The following CSMD1 variants were observed in gnomAD, a reference collection of about 807,000 sequenced individuals.
The protein encoded by CSMD1 is CUB and sushi domain-containing protein 1.
A neutral mutation model predicts 417.5 loss-of-function variants in CSMD1; 213 were observed. The ratio of observed to expected loss-of-function variants is 0.51; its 90% CI spans 0.46 to 0.57. The LOEUF is 0.57. CSMD1 is among the 20% of genes least tolerant of loss of function. The pLI is 0.00. For missense variants in CSMD1, 6,923 were observed against 4,529.7 expected, an observed-to-expected ratio of 1.53 and a Z score of -15.17; for synonymous variants, 2,862 against 1,736.8, an observed-to-expected ratio of 1.65 and a Z score of -16.11.
At chr8:4,459,001 C>G (rs1435132860) in intron 2 of CSMD1, among the ~76,000 whole-genome samples, 1 of 152,180 alleles carries the variant, frequency 6.6e-6, no homozygotes, top group Non-Finnish European at 1.5e-5. Flanking sequence ...CACGTTTGTG[C>G]AGCTTGGGCC....
chr8:4,157,377 A>C (rs754567763), intron 3 of CSMD1, among the ~76,000 whole-genome samples: 4 of 152,234 alleles, frequency 2.6e-5, no homozygotes, highest in Non-Finnish European at 4.4e-5. Context: ...ATGTTTATTC[A>C]CGCCAGCTCA....
chr8:4,070,219 T>C (rs1392798229), intron 3 of CSMD1, among the ~76,000 whole-genome samples: 2 of 152,206 alleles, frequency 1.3e-5, no homozygotes, highest in Admixed American at 1.3e-4. Flanking sequence ...TCTTGTCTTT[T>C]CTTTTTGGTA....
At chr8:4,196,975 G>A (rs181696696) in intron 3 of CSMD1, among the ~76,000 whole-genome samples, 66 of 152,150 alleles carry the variant, frequency 4.3e-4, no homozygotes, top group African/African-American at 1.2e-3. Flanking sequence ...GAGCCTCACC[G>A]CCCCTCACAA....
At chr8:3,982,708 C>A (rs1344032034) in intron 5 of CSMD1, among the ~76,000 whole-genome samples, 3 of 151,888 alleles carry the variant, frequency 2.0e-5, no homozygotes, top group Non-Finnish European at 4.4e-5. Context: ...GATCAGGAGG[C>A]AGAGGGAAGC....
chr8:3,149,981 C>T (rs956746906), intron 40 of CSMD1, among the ~76,000 whole-genome samples: 1 of 152,148 alleles, frequency 6.6e-6, no homozygotes, highest in East Asian at 1.9e-4. Context: ...GTTACACATA[C>T]CTCTGAAAGA....
At chr8:3,831,362 A>T (rs1802368158) in intron 5 of CSMD1, among the ~76,000 whole-genome samples, 1 of 152,174 alleles carries the variant, frequency 6.6e-6, no homozygotes, top group African/African-American at 2.4e-5. Flanking sequence ...CAGCACTTGC[A>T]AACTCGTCTT....
chr8:3,484,800 G>C (rs548779315), intron 11 of CSMD1, among the ~76,000 whole-genome samples: 3 of 152,216 alleles, frequency 2.0e-5, no homozygotes, highest in African/African-American at 4.8e-5. Context: ...GAGGATGTCA[G>C]ATAGTAAATA....
chr8:3,271,905 C>A (rs1585876839), intron 26 of CSMD1, among the ~76,000 whole-genome samples: 1 of 152,056 alleles, frequency 6.6e-6, no homozygotes, highest in African/African-American at 2.4e-5. Flanking sequence ...ATGGTAGTTT[C>A]TTTTGCTGTG....
intron 1 of CSMD1, among the ~76,000 whole-genome samples, chr8:4,705,324 T>C (rs1419814155): frequency 6.6e-6 from 1 of 152,182 alleles, no homozygotes; most frequent in Non-Finnish European, 1.5e-5. Context: ...TTCTATGTTC[T>C]AGAGACTCCA....
intron 3 of CSMD1, among the ~76,000 whole-genome samples, chr8:4,292,632 G>A (rs73500689): frequency 0.081 from 12,390 of 152,106 alleles, 592 homozygotes; most frequent in South Asian, 0.16. Context: ...TATTTTCTGT[G>A]CCTCAGTCTT....
At chr8:3,796,479 T>C (rs1305664599) in intron 5 of CSMD1, among the ~76,000 whole-genome samples, 1 of 133,244 alleles carries the variant, frequency 7.5e-6, no homozygotes, top group East Asian at 2.1e-4. Flanking sequence ...TATATAGATA[T>C]CTATCTATCA....
In CSMD1 at chr8:4,323,080, G is replaced by A. The variant is rs549958719; in HGVS notation, c.415+96873C>T. ...GCCTACAAATAGAGAGTTAAGCAGC[G>A]AAGGAATGGAAAAATCATATGATTT... On this transcript the variant is annotated intron_variant, in intron 3 of 69. Coordinates refer to ENST00000635120, the MANE Select transcript of CSMD1 (RefSeq NM_033225.6). 5.1e-4 allele frequency among the ~76,000 whole-genome samples: 75 copies of A among 145,654 alleles called. 1 individual carries two copies. The South Asian group carries it at 0.011, about 21-fold the overall frequency.
At chr8:3,928,288 G>C (rs1366685186) in intron 5 of CSMD1, among the ~76,000 whole-genome samples, 2 of 152,146 alleles carry the variant, frequency 1.3e-5, no homozygotes, top group Non-Finnish European at 2.9e-5. Flanking sequence ...ATGTTACATT[G>C]ATTATTCAAC....
chr8:3,722,285 G>A (rs556062546), intron 6 of CSMD1, among the ~76,000 whole-genome samples: 29 of 152,258 alleles, frequency 1.9e-4, no homozygotes, highest in African/African-American at 5.1e-4. Flanking sequence ...TCCAGCCTGG[G>A]CGACAGAGTG....
At chr8:4,928,178 C>T (rs143639096) in intron 1 of CSMD1, among the ~76,000 whole-genome samples, 171 of 152,274 alleles carry the variant, frequency 1.1e-3, no homozygotes, top group African/African-American at 3.9e-3. Context: ...TTGCCATTGG[C>T]ACTGCCTGGA....
intron 68 of CSMD1, among the ~76,000 whole-genome samples, chr8:2,943,777 C>T (rs1160721049): frequency 6.6e-6 from 1 of 152,134 alleles, no homozygotes; most frequent in African/African-American, 2.4e-5. Context: ...TCACTTAATG[C>T]AGGTGTGCAA....
At chr8:3,757,097 C>T (rs1165481926) in intron 5 of CSMD1, among the ~76,000 whole-genome samples, 1 of 152,156 alleles carries the variant, frequency 6.6e-6, no homozygotes, top group African/African-American at 2.4e-5. Context: ...ACCACTGTGC[C>T]AGCCTGGAAT....
chr8:4,288,998 A>C (rs74739941), intron 3 of CSMD1, among the ~76,000 whole-genome samples: 7,227 of 152,302 alleles, frequency 0.047, 296 homozygotes, highest in African/African-American at 0.11. Flanking sequence ...TTAAAAACAC[A>C]GCACCATCTT....
chr8:3,417,588 A>G (rs1296660956), intron 12 of CSMD1, among the ~76,000 whole-genome samples: 1 of 152,226 alleles, frequency 6.6e-6, no homozygotes, highest in Admixed American at 6.5e-5. Flanking sequence ...TAGCTACTAC[A>G]TGCGGGAAGT....
Sources: gnomAD v4.1 joint callset for allele counts (sites outside exome capture counted in the v4.1 genomes callset) on GRCh38, gnomAD v4.1.1 for gene constraint, MANE v1.5 for transcripts, NCBI Gene and HGNC (gene_info 2026-07-23, HGNC 2026-07-21) for gene names.